Variants in SPON1 observed in about 807,000 individuals in gnomAD.
SPON1 encodes the protein spondin-1.
A neutral mutation model predicts 111.7 loss-of-function variants in SPON1; 52 were observed. The observed-to-expected ratio is 0.47, with a 90% CI of 0.37 to 0.59. SPON1 has a LOEUF of 0.59. Ranked by LOEUF, SPON1 falls within the 20% of genes least tolerant of loss-of-function variation. The pLI, the probability that SPON1 is intolerant of heterozygous loss-of-function variation, is 0.00. For missense variants in SPON1, 957 were observed against 1,068.5 expected (o/e 0.90, Z 1.46); for synonymous variants, 410 against 395.8 (o/e 1.04, Z -0.43).
intron 6 of SPON1, among the ~76,000 whole-genome samples, chr11:14,137,265 A>G (rs919358406): frequency 1.9e-4 from 29 of 152,138 alleles, no homozygotes; most frequent in Admixed American, 1.7e-3. Context: ...CACCACCACC[A>G]CTGCCAGCCT....
intron 2 of SPON1, among the ~76,000 whole-genome samples, chr11:14,013,358 G>T (rs1222261607): frequency 6.6e-6 from 1 of 152,108 alleles, no homozygotes; most frequent in African/African-American, 2.4e-5. Flanking sequence ...CATTTGGTCA[G>T]GTTTTGGAAT....
intron 6 of SPON1, among the ~76,000 whole-genome samples, chr11:14,229,951 C>CGTGTGT (rs55709324): frequency 0.028 from 4,003 of 145,028 alleles, 175 homozygotes; most frequent in African/African-American, 0.09. Flanking sequence ...TCTGTGTGTC[C>CGTGTGT]GTGTGTGTGT....
rs563820755 is a variant in SPON1 at position 14,208,045 on chromosome 11, C to T, written c.826-35287C>T. 5.1e-4 allele frequency among the ~76,000 whole-genome samples: 78 copies of T among 152,282 alleles called. 2 individuals are homozygous for T. The South Asian group carries it at 0.016, about 31-fold the overall frequency. On this transcript the variant is annotated intron_variant, in intron 6 of 15. Transcript: ENST00000576479. Reference sequence around the variant, plus strand: ...TCCATAAAAAAGAATGAGATCATGTCCTTTGCAGGGACATGGATGGAGCTG... The same window carrying T: ...TCCATAAAAAAGAATGAGATCATGTTCTTTGCAGGGACATGGATGGAGCTG...
intron 6 of SPON1, among the ~76,000 whole-genome samples, chr11:14,183,243 CTT>C (rs1357303986): frequency 5.3e-5 from 8 of 152,094 alleles, no homozygotes; most frequent in African/African-American, 1.9e-4. Flanking sequence ...ATAGCATACT[CTT>C]AGGTTGAATT....
intron 6 of SPON1, among the ~76,000 whole-genome samples, chr11:14,181,317 T>C (rs1848233221): frequency 1.3e-5 from 2 of 152,192 alleles, no homozygotes; most frequent in Non-Finnish European, 2.9e-5. Context: ...AGCTCAGCAT[T>C]AAACAGCTGG....
At chr11:14,157,735 T>A (rs10832211) in intron 6 of SPON1, among the ~76,000 whole-genome samples, 59,586 of 151,890 alleles carry the variant, frequency 0.39, 11,945 homozygotes, top group East Asian at 0.55. Context: ...TTTATCATTT[T>A]CCCTCCATAC....
At chr11:13,989,060 C>T (rs1848207760) in intron 2 of SPON1, among the ~76,000 whole-genome samples, 1 of 152,268 alleles carries the variant, frequency 6.6e-6, no homozygotes, top group South Asian at 2.1e-4. Flanking sequence ...ATGCTGGCCT[C>T]ATAAAATGAA....
At chr11:14,120,586 C>T (rs1404980337) in intron 5 of SPON1, among the ~76,000 whole-genome samples, 1 of 152,136 alleles carries the variant, frequency 6.6e-6, no homozygotes, top group African/African-American at 2.4e-5. Context: ...CAATGGGCCT[C>T]TGCACTCCCA....
chr11:14,123,495 A>G (rs1298980159), intron 5 of SPON1, among the ~76,000 whole-genome samples: 1 of 152,114 alleles, frequency 6.6e-6, no homozygotes, highest in Non-Finnish European at 1.5e-5. Flanking sequence ...GTTCTCTCTA[A>G]CATGGATGGG....
chr11:14,161,138 A>G (rs11023117), intron 6 of SPON1, among the ~76,000 whole-genome samples: 2 of 81,930 alleles, frequency 2.4e-5, no homozygotes, highest in Non-Finnish European at 4.6e-5. Context: ...TTTTATATAT[A>G]TCTATATATC....
intron 6 of SPON1, among the ~76,000 whole-genome samples, chr11:14,211,576 G>A (rs1014349686): frequency 5.3e-5 from 8 of 152,112 alleles, no homozygotes; most frequent in East Asian, 1.9e-4. Flanking sequence ...TGTAGATTCA[G>A]TGCTATCCCC....
chr11:14,226,502 C>T lies in SPON1; in HGVS notation c.826-16830C>T, dbSNP rs1195104429. ...GGTTCACTGTTGCTGTCCAGCACCA[C>T]AAGAGTATCATATCACAAATTGCTA... is the stretch of plus-strand genomic sequence containing the variant. On this transcript the variant is annotated intron_variant, in intron 6 of 15. Coordinates refer to ENST00000576479, the MANE Select transcript of SPON1 (RefSeq NM_006108.4). 2.0e-5 allele frequency among the ~76,000 whole-genome samples: 3 copies of T among 152,322 alleles called. 1 individual carries two copies. In the Middle Eastern group the frequency reaches 0.01, roughly 518 times the overall value.
intron 4 of SPON1, among the ~76,000 whole-genome samples, chr11:14,077,277 G>A (rs535907259): frequency 3.2e-4 from 49 of 152,126 alleles, no homozygotes; most frequent in Non-Finnish European, 4.0e-4. Flanking sequence ...CACAGTGCCT[G>A]GGGAGAAGAC....
chr11:14,204,671 A>G (rs1248292491), intron 6 of SPON1, among the ~76,000 whole-genome samples: 3 of 150,886 alleles, frequency 2.0e-5, no homozygotes, highest in Non-Finnish European at 4.4e-5. Flanking sequence ...TTAAATTCAG[A>G]TAAGATCCTC....
chr11:14,127,569 C>A (rs1847475007), intron 5 of SPON1, among the ~76,000 whole-genome samples: 1 of 152,218 alleles, frequency 6.6e-6, no homozygotes, highest in African/African-American at 2.4e-5. Flanking sequence ...TGGTCTTTGG[C>A]TCTTTGACTC....
intron 7 of SPON1, among the ~76,000 whole-genome samples, chr11:14,254,324 T>C (rs184014278): frequency 6.6e-6 from 1 of 152,288 alleles, no homozygotes; most frequent in African/African-American, 2.4e-5. Flanking sequence ...TGGTAGTATA[T>C]GGTTCTCTCC....
intron 2 of SPON1, among the ~76,000 whole-genome samples, chr11:14,018,803 A>T (rs1348335463): frequency 3.3e-5 from 5 of 152,286 alleles, no homozygotes; most frequent in Admixed American, 3.3e-4. Context: ...GTACAACAAG[A>T]GCCAGTAGAC....
rs373353739 is a variant in SPON1 at position 14,163,772 on chromosome 11, G to A, written c.825+28204G>A. The stretch of plus-strand genomic sequence containing the variant: ...CCATTCTTCATGCCCGTGCTGTGGT[G>A]GGAACCAAATGCTCCCATGGACTGC... On this transcript the variant is annotated intron_variant, in intron 6 of 15. Coordinates refer to ENST00000576479, the MANE Select transcript of SPON1 (RefSeq NM_006108.4). Among the ~76,000 whole-genome samples the A allele has an allele frequency of 5.7e-4, 87 of 152,204 alleles. 4 individuals carry two copies. The South Asian group carries it at 0.017, about 29-fold the overall frequency.
At chr11:14,237,811 G>A (rs1158371274) in intron 6 of SPON1, among the ~76,000 whole-genome samples, 5 of 152,148 alleles carry the variant, frequency 3.3e-5, no homozygotes, top group African/African-American at 7.2e-5. Context: ...ATTCTTCCAC[G>A]TGTGGCTGTG....
Sources: allele counts gnomAD v4.1 joint callset (sites outside exome capture counted in the v4.1 genomes callset), GRCh38; gene constraint gnomAD v4.1.1; transcripts MANE v1.5; gene names NCBI Gene and HGNC (gene_info 2026-07-23, HGNC 2026-07-21).